Variants in ALDH4A1 observed in about 807,000 individuals in gnomAD.
ALDH4A1 encodes delta-1-pyrroline-5-carboxylate dehydrogenase, mitochondrial.
A neutral mutation model predicts 70.5 loss-of-function variants in ALDH4A1; 46 were observed. That is an observed-to-expected ratio of 0.65 (90% confidence interval 0.51 to 0.83). ALDH4A1 has a LOEUF of 0.83. Among genes scored for constraint, ALDH4A1 ranks in the 40% least tolerant of loss-of-function variants. ALDH4A1 has a pLI of 0.00. For missense variants in ALDH4A1, 749 were observed against 766.5 expected, an observed-to-expected ratio of 0.98 and a Z score of 0.27; for synonymous variants, 323 against 324.3, an observed-to-expected ratio of 1.00 and a Z score of 0.04.
chr1:18,874,542 A>G lies in ALDH4A1; in HGVS notation c.1500T>C (p.Ala500=), dbSNP rs1382305734. The change falls in exon 14 of 15, where the codon GCT becomes GCC. Residue 500 remains alanine, a synonymous_variant. Transcript: ENST00000375341. The part of the protein sequence containing the change: ...VQEATKVLRN[A]AGNFYINDKS... ...TGTCGTTGATGTAGAAGTTGCCGGCAGCATTCCTCAGCACCTTTGTGGCCT... is the reference window on the plus strand; with the variant it reads ...TGTCGTTGATGTAGAAGTTGCCGGCGGCATTCCTCAGCACCTTTGTGGCCT... The G allele has an allele frequency of 1.2e-6, 2 of 1,614,118 alleles. No individual in the cohort carries two copies. Among genetic ancestry groups the G allele is most frequent in the Non-Finnish European group, 1.7e-6 (2 of 1,180,036 alleles).
rs372020200 is a variant in ALDH4A1, at chr1:18,877,407, G to A, written c.1137+9C>T. The A allele has an allele frequency of 1.7e-5, 27 of 1,562,586 alleles. No individual in the cohort carries two copies. Among genetic ancestry groups the A allele is most frequent in the Non-Finnish European group, 2.3e-5 (27 of 1,152,758 alleles). On this transcript the variant is annotated intron_variant, in intron 10 of 14. Coordinates refer to ENST00000375341, the MANE Select transcript of ALDH4A1 (RefSeq NM_003748.4). ...GCTGGGCCGCGGCGGGGGTGACGGT[G>A]CCACTCACGTCGCCCACTTTGATCC...
At chr1:18,885,431 A>ACCCCCCCCCCCCCCCCCCCCCCCGGGCC in intron 5 of ALDH4A1, 42 bp downstream of exon 5, 2 of 478,970 alleles carry the variant, frequency 4.2e-6, no homozygotes, top group Non-Finnish European at 7.0e-6. Flanking sequence ...CCTGACTCCC[A>ACCCCCCCCCCCCCCCCCCCCCCCGGGCC]CCCCACCCCG....
At chr1:18,881,652 G>GGTTGCCTA (rs66962914) in intron 8 of ALDH4A1, 48 bp downstream of exon 8, 2 of 1,460,102 alleles carry the variant, frequency 1.4e-6, no homozygotes, top group Middle Eastern at 1.7e-4. Context: ...AGGTGAGCAG[G>GGTTGCCTA]TGAACGTCCC....
rs536846548 is a variant in ALDH4A1 at position 18,880,086 on chromosome 1, C to G, written c.867-713G>C. Among the ~76,000 whole-genome samples the G allele has an allele frequency of 6.6e-6, 1 of 152,298 alleles. No homozygotes were observed. The highest frequency in any genetic ancestry group is 1.9e-4 in the East Asian group (1 of 5,170). On this transcript the variant is annotated intron_variant, in intron 8 of 14. Transcript: ENST00000375341. The surrounding 1 kb of genome is among the most constrained non-coding windows in gnomAD (Gnocchi z 5.1). ...GCTCCGCCCGCTGATAGGCGGGGAG[C>G]CCAGGGGCCCGTGGCTGGCAGAGCA...
At chr1:18,884,242 C>A (rs553338396) in intron 5 of ALDH4A1, among the ~76,000 whole-genome samples, 1 of 152,330 alleles carries the variant, frequency 6.6e-6, no homozygotes, top group African/African-American at 2.4e-5. Context: ...GACGCCCACC[C>A]CAGAGGGCTG....
At chr1:18,887,400 C>G (rs567492240) in intron 3 of ALDH4A1, among the ~76,000 whole-genome samples, 12 of 152,364 alleles carry the variant, frequency 7.9e-5, no homozygotes, top group East Asian at 1.9e-4. Flanking sequence ...GAGATCGAGA[C>G]CATCCTGGCT....
chr1:18,890,207 C>A, intron 1 of ALDH4A1, 102 bp from the exon 2 acceptor site: 1 of 990,204 alleles, frequency 1.0e-6, no homozygotes. Flanking sequence ...GGTGGGCACC[C>A]AGAGCCTGAA....
chr1:18,881,671 C>T (rs1404402622), intron 8 of ALDH4A1, 29 bp downstream of exon 8: 1 of 1,613,578 alleles, frequency 6.2e-7, no homozygotes, highest in South Asian at 1.1e-5. Flanking sequence ...CCCTAGCCAC[C>T]ACAGCCTACA....
At chr1:18,881,983 G>T in intron 7 of ALDH4A1, 96 bp from the exon 8 acceptor site, 1 of 1,241,406 alleles carries the variant, frequency 8.1e-7, no homozygotes, top group Non-Finnish European at 1.1e-6. Context: ...CCCTCACCTG[G>T]AACCACCAGA....
In ALDH4A1 at chr1:18,881,867, C is replaced by T. The variant is rs1474346608; in HGVS notation, c.699G>A (p.Lys233=). 4.3e-6 allele frequency: 7 copies of T among 1,613,658 alleles called. No homozygotes were observed. The highest frequency in any genetic ancestry group is 1.3e-5 in the African/African-American group (1 of 75,054). ...PALMGNVVLW[K]PSDTAMLASY... is the part of the protein sequence containing the mutation. ...TGGCCAGCATGGCAGTGTCACTGGGCTTCCATAGGACCACGTTGCCCTGCC... is the reference window on the plus strand; with the variant it reads ...TGGCCAGCATGGCAGTGTCACTGGGTTTCCATAGGACCACGTTGCCCTGCC... The change falls in exon 8 of 15, where the codon AAG becomes AAA. Residue 233 remains lysine, a synonymous_variant. Coordinates refer to ENST00000375341, the MANE Select transcript of ALDH4A1 (RefSeq NM_003748.4).
At position 18,885,294 on chromosome 1, in the gene ALDH4A1, G is replaced by A. The variant is rs146598614; in HGVS notation, c.453+179C>T. The A allele has an allele frequency of 2.4e-4, 152 of 644,142 alleles. 1 individual carries two copies. The highest frequency in any genetic ancestry group is 2.2e-3 in the South Asian group (119 of 53,130). 39.9% of individuals were successfully genotyped at this position (644,142 alleles called of 1,614,324 possible). ...ACATGGGCTCTGCACAATCTGTCTC[G>A]CCTAATAATCTGTGATCATCCATCC... On this transcript the variant is annotated intron_variant, in intron 5 of 14. Transcript: ENST00000375341.
Position 18,872,906 on chromosome 1 carries a change from G to A in ALDH4A1, c.1631C>T (p.Pro544Leu), listed in dbSNP as rs72953172. Reference sequence around the variant, plus strand: ...CTTATGTGTCTCCTTGATGACCTGCGGCGACGTCCAGCGCAGGATGTAGTG... The same window carrying A: ...CTTATGTGTCTCCTTGATGACCTGCAGCGACGTCCAGCGCAGGATGTAGTG... ...GPHYILRWTSPQVIKETHKPL... is the reference protein window; with the variant it reads ...GPHYILRWTSLQVIKETHKPL... Residue 544 changes from proline (P) to leucine (L), a missense_variant, in exon 15 of 15, where the codon CCG becomes CTG. Coordinates refer to ENST00000375341, the MANE Select transcript of ALDH4A1 (RefSeq NM_003748.4). The A allele has an allele frequency of 2.3e-3, 3,791 of 1,614,072 alleles. 79 individuals are homozygous for A. In the African/African-American group the frequency reaches 0.042, roughly 18 times the overall value.
chr1:18,882,757 G>A, intron 7 of ALDH4A1: 1 of 582,480 alleles, frequency 1.7e-6, no homozygotes, highest in Non-Finnish European at 3.4e-6. Flanking sequence ...CAGCGGTAAT[G>A]ATCATCAACA....
At chr1:18,882,705 G>A in intron 7 of ALDH4A1, 1 of 557,280 alleles carries the variant, frequency 1.8e-6, no homozygotes, top group Non-Finnish European at 3.6e-6. Context: ...TCATCTCCAT[G>A]CCGTGCTTGA....
At chr1:18,890,161 A>T in intron 1 of ALDH4A1, 56 bp from the exon 2 acceptor site, 1 of 1,441,926 alleles carries the variant, frequency 6.9e-7, no homozygotes. Context: ...CCCCACCACC[A>T]GACCCCAGCC....
chr1:18,873,042 G>T, intron 14 of ALDH4A1, 85 bp from the exon 15 acceptor site: 1 of 1,205,738 alleles, frequency 8.3e-7, no homozygotes, highest in Non-Finnish European at 1.2e-6. Flanking sequence ...GGAATCAACG[G>T]ACCAGCAGTG....
At chr1:18,875,567 C>T (rs534068864) in intron 12 of ALDH4A1, 64 bp from the exon 13 acceptor site, 5 of 1,611,854 alleles carry the variant, frequency 3.1e-6, no homozygotes, top group Non-Finnish European at 4.2e-6. Flanking sequence ...TGAGCCCTCC[C>T]AGTGCCCCTG....
chr1:18,894,740 C>T (rs758490708), intron 1 of ALDH4A1, among the ~76,000 whole-genome samples: 1 of 152,252 alleles, frequency 6.6e-6, no homozygotes, highest in South Asian at 2.1e-4. Flanking sequence ...CCCAGCTGTC[C>T]GTCCATCAGT....
chr1:18,895,228 G>A (rs1192205305), intron 1 of ALDH4A1, among the ~76,000 whole-genome samples: 1 of 152,154 alleles, frequency 6.6e-6, no homozygotes, highest in Non-Finnish European at 1.5e-5. Flanking sequence ...TAGGGAAGGC[G>A]GCACAAGACA....
Sources: gnomAD v4.1 joint callset for allele counts (sites outside exome capture counted in the v4.1 genomes callset) on GRCh38, gnomAD v4.1.1 for gene constraint, Gnocchi (gnomAD v3.1) non-coding constraint, MANE v1.5 for transcripts, NCBI Gene and HGNC (gene_info 2026-07-23, HGNC 2026-07-21) for gene names.